UBE2Q1: variants seen among roughly 807,000 people sequenced by gnomAD.
The protein encoded by UBE2Q1 is ubiquitin-conjugating enzyme E2 Q1.
In UBE2Q1, 6 loss-of-function variants were observed where a neutral mutation model predicts 60.1. The observed-to-expected ratio is 0.10, with a 90% CI of 0.05 to 0.20. The LOEUF (loss-of-function observed/expected upper bound fraction) is 0.20. Ranked by LOEUF, UBE2Q1 falls within the 10% of genes least tolerant of loss-of-function variation. The pLI, the probability that UBE2Q1 is intolerant of heterozygous loss-of-function variation, is 1.00. For synonymous variants in UBE2Q1, 226 were observed against 208.3 expected (o/e 1.09, Z -0.73); for missense variants, 262 against 525.8 (o/e 0.50, Z 4.91).
At position 154,551,870 on chromosome 1, in the gene UBE2Q1, T is replaced by TC; in HGVS notation, c.1025+50dup. 3 of 1,614,004 alleles carry TC rather than the reference T, an allele frequency of 1.9e-6. No individual in the cohort carries two copies. The East Asian group carries it at 6.7e-5, about 36-fold the overall frequency. On this transcript the variant is annotated intron_variant, in intron 9 of 12. Coordinates refer to ENST00000292211, the MANE Select transcript of UBE2Q1 (RefSeq NM_017582.7). ...TGCCTGACAAAATCTCCAAGTCTCT[T>TC]CCCCGCCCTCTGCCAGAGGAGATGC...
rs1273662668 is a variant in UBE2Q1 at position 154,549,564 on chromosome 1, G to C, written c.*874C>G. ...CAGCCACACAGCTGAGATCAGAAAA[G>C]ACCACATACACACTTGGAGACTGTG... On this transcript the variant is annotated 3_prime_UTR_variant, in exon 13 of 13. Coordinates refer to ENST00000292211, the MANE Select transcript of UBE2Q1 (RefSeq NM_017582.7). The C allele has an allele frequency of 6.6e-6, 1 of 151,566 alleles. No individual in the cohort carries two copies. 9.4% of individuals were successfully genotyped at this position (151,566 alleles called of 1,614,324 possible).
At chr1:154,555,588 G>A (rs1571010431) in intron 2 of UBE2Q1, 56 bp from the exon 3 acceptor site, 1 of 1,511,354 alleles carries the variant, frequency 6.6e-7, no homozygotes, top group East Asian at 2.3e-5. Flanking sequence ...ATCTGGATAA[G>A]TGCATGGATG....
rs1251189872 is a variant in UBE2Q1 at position 154,558,499 on chromosome 1, C to A, written c.55G>T (p.Gly19Trp). The change falls in exon 1 of 13, where the codon GGG (glycine) becomes TGG (tryptophan). Residue 19 changes from glycine (G) to tryptophan (W), a missense_variant. Around this residue, in one of 5 missense-constraint regions of UBE2Q1, gnomAD observed 70 missense variants for 56.7 expected, o/e 1.24. Coordinates refer to ENST00000292211, the MANE Select transcript of UBE2Q1 (RefSeq NM_017582.7). ...QQQPGPGQQL[G>W]GQGAAPGAGG... ...GCCCCCGGCGCCGCCCCCTGGCCCC[C>A]CAGCTGCTGCCCCGGCCCCGGCTGC... is the stretch of plus-strand genomic sequence containing the variant. The A allele has an allele frequency of 3.6e-5, 43 of 1,206,186 alleles. No individual in the cohort carries two copies. The highest frequency in any genetic ancestry group is 4.2e-5 in the Non-Finnish European group (41 of 976,964). The allele number at this position is 1,206,186 out of a possible 1,614,324, so 74.7% of individuals were successfully genotyped here.
At chr1:154,555,342 G>T in intron 3 of UBE2Q1, 86 bp downstream of exon 3, 1 of 1,163,886 alleles carries the variant, frequency 8.6e-7, no homozygotes, top group Non-Finnish European at 1.3e-6. Flanking sequence ...GGGATGGAGA[G>T]AAACTACTGA....
At chr1:154,557,579 G>A (rs1328506104) in intron 1 of UBE2Q1, among the ~76,000 whole-genome samples, 1 of 152,220 alleles carries the variant, frequency 6.6e-6, no homozygotes, top group Non-Finnish European at 1.5e-5. Flanking sequence ...CATATCCATA[G>A]GGAACAGGCA....
At chr1:154,550,491 AGTGAG>A in intron 12 of UBE2Q1, 22 bp from the exon 13 acceptor site, 1 of 1,613,680 alleles carries the variant, frequency 6.2e-7, no homozygotes, top group Middle Eastern at 1.7e-4. Flanking sequence ...TGGAATGGTC[AGTGAG>A]GTGAAGGTTC....
chr1:154,558,654 G>T lies in UBE2Q1; in HGVS notation c.-101C>A. ...GCCGCCGCCGCCGCCGCCGCGGTCC[G>T]CACTTCCTGATCCCCCCTTCGCCAA... On this transcript the variant is annotated 5_prime_UTR_variant, in exon 1 of 13. Transcript: ENST00000292211. 1 of 978,460 alleles carries T rather than the reference G, an allele frequency of 1.0e-6. No homozygotes were observed. Among genetic ancestry groups the T allele is most frequent in the Non-Finnish European group, 1.2e-6 (1 of 826,580 alleles). The allele number at this position is 978,460 out of a possible 1,614,324, so 60.6% of individuals were successfully genotyped here. A position where few individuals can be genotyped will look rare whatever the true frequency, so the allele number is the denominator to read the frequency against.
rs1391859220 is a variant in UBE2Q1, at chr1:154,550,820, G to A, written c.1237+118C>T. ...TCCTGGGAGAACTGGGGCAGGTGCT[G>A]TGTTAATGGGTGGTTGAGTATCAGA... On this transcript the variant is annotated intron_variant, in intron 12 of 12. Transcript: ENST00000292211. The A allele has an allele frequency of 1.3e-5, 21 of 1,582,218 alleles. No individual in the cohort carries two copies. The South Asian group carries it at 2.1e-4, about 16-fold the overall frequency.
Position 154,555,600 on chromosome 1 carries a change from GCT to G in UBE2Q1, c.433-70_433-69del, listed in dbSNP as rs148081650. 732 of 1,477,422 alleles carry G rather than the reference GCT, an allele frequency of 5.0e-4. 3 individuals are homozygous for G. The East Asian group carries it at 0.015, about 31-fold the overall frequency. The allele number at this position is 1,477,422 out of a possible 1,614,324, so 91.5% of individuals were successfully genotyped here. On this transcript the variant is annotated intron_variant, in intron 2 of 12. Transcript: ENST00000292211. Reference sequence around the variant, plus strand: ...CCGATCTGGATAAGTGCATGGATGAGCTCTTAGTTTGGGCCCCACACCAATAA... The same window carrying G: ...CCGATCTGGATAAGTGCATGGATGAGCTTAGTTTGGGCCCCACACCAATAA...
chr1:154,553,738 G>A (rs1462462734), intron 4 of UBE2Q1: 4 of 153,628 alleles, frequency 2.6e-5, no homozygotes, highest in African/African-American at 9.6e-5. Flanking sequence ...TATGGAAGAG[G>A]TCAAGAACAG....
Position 154,550,318 on chromosome 1 carries a change from C to T in UBE2Q1, c.*120G>A. 1 of 1,311,602 alleles carries T rather than the reference C, an allele frequency of 7.6e-7. No individual in the cohort carries two copies. The allele number at this position is 1,311,602 out of a possible 1,614,324, so 81.2% of individuals were successfully genotyped here. A position where few individuals can be genotyped will look rare whatever the true frequency, so the allele number is the denominator to read the frequency against. ...CATCATTGTCCTGCAATAGGCAGAG[C>T]TATCACGTCCAGGAAAAATGAGGGA... On this transcript the variant is annotated 3_prime_UTR_variant, in exon 13 of 13. Transcript: ENST00000292211.
intron 8 of UBE2Q1, 42 bp downstream of exon 8, chr1:154,552,051 C>T: frequency 2.5e-6 from 4 of 1,613,946 alleles, no homozygotes; most frequent in Non-Finnish European, 3.4e-6. Flanking sequence ...GCAGACTGGG[C>T]AGCCTAGGCC....
At position 154,552,099 on chromosome 1, in the gene UBE2Q1, G is replaced by A. The variant is rs142317734; in HGVS notation, c.960C>T (p.Ser320=). The A allele has an allele frequency of 1.2e-6, 2 of 1,614,190 alleles. No individual in the cohort carries two copies. Among genetic ancestry groups the A allele is most frequent in the Non-Finnish European group, 1.7e-6 (2 of 1,180,026 alleles). ...EGADFILLNF[S]FKDNFPFDPP... Reference sequence around the variant, plus strand: ...TGGAAAAGAAAAGTCTTACTTTAAAGGAAAAGTTAAGTAGAATGAAGTCGG... The same window carrying A: ...TGGAAAAGAAAAGTCTTACTTTAAAAGAAAAGTTAAGTAGAATGAAGTCGG... Residue 320 remains serine (S), a synonymous_variant, in exon 8 of 13, where the codon TCC becomes TCT. Transcript: ENST00000292211.
At chr1:154,551,606 C>T in intron 10 of UBE2Q1, 114 bp from the exon 11 acceptor site, 1 of 1,436,162 alleles carries the variant, frequency 7.0e-7, no homozygotes, top group Non-Finnish European at 9.7e-7. Context: ...CCCTTTGCCC[C>T]CAGCACTGCC....
In UBE2Q1 at chr1:154,552,723, G is replaced by C. The variant is rs1172708405; in HGVS notation, c.814+13C>G. 4.3e-6 allele frequency: 7 copies of C among 1,613,036 alleles called. No individual in the cohort carries two copies. Among genetic ancestry groups the C allele is most frequent in the Non-Finnish European group, 5.1e-6 (6 of 1,179,494 alleles). Reference sequence around the variant, plus strand: ...GTGACTCTTGTGCAGGCCCCTCTCTGGGGCAAACTCACCGCCTTTGAAACT... The same window carrying C: ...GTGACTCTTGTGCAGGCCCCTCTCTCGGGCAAACTCACCGCCTTTGAAACT... On this transcript the variant is annotated intron_variant, in intron 6 of 12. Transcript: ENST00000292211.
In UBE2Q1 at chr1:154,549,604, CAATT is replaced by C. The variant is rs1341751434; in HGVS notation, c.*830_*833del. ...TGGAGACTGTGTCCCCATCCCCACT[CAATT>C]CATTCAAAAGGAATTCTACGAAGCA... On this transcript the variant is annotated 3_prime_UTR_variant, in exon 13 of 13. Transcript: ENST00000292211. The C allele has an allele frequency of 6.6e-6, 1 of 152,666 alleles. No homozygotes were observed. The highest frequency in any genetic ancestry group is 1.5e-5 in the Non-Finnish European group (1 of 68,054). 9.5% of individuals were successfully genotyped at this position (152,666 alleles called of 1,614,324 possible). A position where few individuals can be genotyped will look rare whatever the true frequency, so the allele number is the denominator to read the frequency against.
Position 154,553,167 on chromosome 1 carries a change from T to G in UBE2Q1, c.594A>C (p.Thr198=). 1 of 1,612,552 alleles carries G rather than the reference T, an allele frequency of 6.2e-7. No homozygotes were observed. The highest frequency in any genetic ancestry group is 8.5e-7 in the Non-Finnish European group (1 of 1,179,924). ...TCATTTCATAGTGATCTAAGTCTTC[T>G]GTGTCCTGGAGGAGGTGTGGGGTGG... ...EDEDEEMPED[T]EDLDHYEMKE... The change falls in exon 5 of 13, where the codon ACA becomes ACC. Residue 198 remains threonine, a synonymous_variant. Coordinates refer to ENST00000292211, the MANE Select transcript of UBE2Q1 (RefSeq NM_017582.7).
chr1:154,549,441 AAG>A lies in UBE2Q1; in HGVS notation c.*995_*996del, dbSNP rs1695753849. ...TCTTTTTGATAAAGCCAAATGAAGC[AAG>A]AGAGAGGGAGGTGAGCAAAGCTTAC... On this transcript the variant is annotated 3_prime_UTR_variant, in exon 13 of 13. Transcript: ENST00000292211. 1.3e-5 allele frequency: 2 copies of A among 152,494 alleles called. No homozygotes were observed. The highest frequency in any genetic ancestry group is 2.9e-5 in the Non-Finnish European group (2 of 68,060). 9.4% of individuals were successfully genotyped at this position (152,494 alleles called of 1,614,324 possible).
chr1:154,550,333 A>G lies in UBE2Q1; in HGVS notation c.*105T>C. 1.3e-6 allele frequency: 2 copies of G among 1,483,650 alleles called. No homozygotes were observed. The highest frequency in any genetic ancestry group is 2.4e-5 in the South Asian group (2 of 84,676). 91.9% of individuals were successfully genotyped at this position (1,483,650 alleles called of 1,614,324 possible). A position where few individuals can be genotyped will look rare whatever the true frequency, so the allele number is the denominator to read the frequency against. On this transcript the variant is annotated 3_prime_UTR_variant, in exon 13 of 13. Transcript: ENST00000292211. ...ATAGGCAGAGCTATCACGTCCAGGAAAAATGAGGGAGGGAACCACAGAGGC... is the reference window on the plus strand; with the variant it reads ...ATAGGCAGAGCTATCACGTCCAGGAGAAATGAGGGAGGGAACCACAGAGGC...
Sources: allele counts gnomAD v4.1 joint callset (sites outside exome capture counted in the v4.1 genomes callset), GRCh38; gene constraint gnomAD v4.1.1; regional missense constraint gnomAD v4.1.1; transcripts MANE v1.5; gene names NCBI Gene and HGNC (gene_info 2026-07-23, HGNC 2026-07-21).